MED1: variants seen among roughly 807,000 people sequenced by gnomAD.
MED1 encodes mediator of RNA polymerase II transcription subunit 1.
A neutral mutation model predicts 121.3 loss-of-function variants in MED1; 17 were observed. The observed-to-expected ratio is 0.14, with a 90% CI of 0.10 to 0.21. The LOEUF is 0.21. Ranked by LOEUF, MED1 falls within the 10% of genes least tolerant of loss-of-function variation. The probability of loss-of-function intolerance (pLI) is 1.00; values close to 1 mark genes in which losing one functional copy is unlikely to be tolerated. For missense variants in MED1, 1,558 were observed against 1,919.4 expected (o/e 0.81, Z 3.52); for synonymous variants, 661 against 694.4 (o/e 0.95, Z 0.76).
At position 39,405,584 on chromosome 17, in the gene MED1, A is replaced by G; in HGVS notation, c.*1891T>C. The G allele has an allele frequency of 8.0e-7, 1 of 1,249,066 alleles. No individual in the cohort carries two copies. Among genetic ancestry groups the G allele is most frequent in the Non-Finnish European group, 1.0e-6 (1 of 991,028 alleles). 77.4% of individuals were successfully genotyped at this position (1,249,066 alleles called of 1,614,324 possible). ...CTGTATCAACATCACAAGATAAAGC[A>G]CTCTGGTATCACCTGCCCATATCCT... On this transcript the variant is annotated 3_prime_UTR_variant, in exon 17 of 17. Coordinates refer to ENST00000300651, the MANE Select transcript of MED1 (RefSeq NM_004774.4).
At chr17:39,432,695 A>G (rs2048576842) in intron 7 of MED1, among the ~76,000 whole-genome samples, 1 of 151,804 alleles carries the variant, frequency 6.6e-6, no homozygotes, top group South Asian at 2.1e-4. Context: ...TGGAGGTTGC[A>G]GTGAACCGAG....
At position 39,408,315 on chromosome 17, in the gene MED1, G is replaced by A. The variant is rs1371090076; in HGVS notation, c.3906C>T (p.Ser1302=). 25 of 1,613,994 alleles carry A rather than the reference G, an allele frequency of 1.5e-5. No homozygotes were observed. Among genetic ancestry groups the A allele is most frequent in the Non-Finnish European group, 2.0e-5 (24 of 1,180,018 alleles). ...GKSPSRNKKP[S]LTAVIDKLKH... ...TCAGTTTATCTATGACAGCTGTCAA[G>A]GACGGCTTCTTGTTTCTGCTGGGAG... is the stretch of plus-strand genomic sequence containing the variant. The change falls in exon 17 of 17, where the codon TCC becomes TCT. Residue 1302 remains serine (S), a synonymous_variant. Coordinates refer to ENST00000300651, the MANE Select transcript of MED1 (RefSeq NM_004774.4). The surrounding 1 kb of genome is among the most constrained non-coding windows in gnomAD (Gnocchi z 4.7).
chr17:39,434,679 T>C (rs2048601486), intron 6 of MED1, among the ~76,000 whole-genome samples: 2 of 152,106 alleles, frequency 1.3e-5, no homozygotes, highest in Admixed American at 6.6e-5. Flanking sequence ...TTAATTTTTT[T>C]GTAGAGACGG....
In MED1 at chr17:39,440,512, G is replaced by C. The variant is rs1409452532; in HGVS notation, c.273C>G (p.Gly91=). The C allele has an allele frequency of 6.2e-7, 1 of 1,611,188 alleles. No homozygotes were observed. The highest frequency in any genetic ancestry group is 8.5e-7 in the Non-Finnish European group (1 of 1,179,452). The change falls in exon 5 of 17, where the codon GGC becomes GGG. Residue 91 remains glycine (G), a synonymous_variant. Coordinates refer to ENST00000300651, the MANE Select transcript of MED1 (RefSeq NM_004774.4). This position sits in a 1 kb window ranked among gnomAD's most constrained non-coding sequence, Gnocchi z 4.1. ...LESIARQNGL[G]SHLSASGTEC... ...CAGTGCCACTGGCACTGAGATGAGAGCCCAGTCTAGCAGGAACAAATCAAA... is the reference window on the plus strand; with the variant it reads ...CAGTGCCACTGGCACTGAGATGAGACCCCAGTCTAGCAGGAACAAATCAAA...
chr17:39,432,146 C>T (rs572980743), intron 7 of MED1, 130 bp from the exon 8 acceptor site: 60 of 563,494 alleles, frequency 1.1e-4, no homozygotes, highest in South Asian at 3.2e-4. Flanking sequence ...AGTTTGAGAC[C>T]GGCCTGGCCA....
chr17:39,417,424 C>T (rs765182907), intron 14 of MED1, among the ~76,000 whole-genome samples: 2 of 151,684 alleles, frequency 1.3e-5, no homozygotes, highest in Admixed American at 6.6e-5. Context: ...GTCAGGAGAT[C>T]GAGACCATCC....
chr17:39,423,477 GTTA>G, intron 12 of MED1, 32 bp from the exon 13 acceptor site: 1 of 1,555,618 alleles, frequency 6.4e-7, no homozygotes. Flanking sequence ...TAATGATCAT[GTTA>G]AGATGAAAAC....
At position 39,423,708 on chromosome 17, in the gene MED1, T is replaced by C; in HGVS notation, c.965A>G (p.Gln322Arg). 6.2e-7 allele frequency: 1 copy of C among 1,613,974 alleles called. No homozygotes were observed. The change falls in exon 12 of 17, where the codon CAG becomes CGG. Residue 322 changes from glutamine to arginine, a missense_variant. Physicochemically the swap from Gln to Arg is conservative, Grantham distance 43. Coordinates refer to ENST00000300651, the MANE Select transcript of MED1 (RefSeq NM_004774.4). ...TGCTCAAAACTCACCTGTGCAGTTCTGCAGTTTCTGAACAAATGCTCTAGA... is the reference window on the plus strand; with the variant it reads ...TGCTCAAAACTCACCTGTGCAGTTCCGCAGTTTCTGAACAAATGCTCTAGA... ...PVSRAFVQKL[Q>R]NCTGIPLFET...
intron 10 of MED1, among the ~76,000 whole-genome samples, chr17:39,425,563 G>C (rs1660408018): frequency 6.6e-6 from 1 of 152,138 alleles, no homozygotes; most frequent in Admixed American, 6.5e-5. Flanking sequence ...CAGCACTTTG[G>C]GAGGCTGAGG....
chr17:39,440,731 A>G lies in MED1; in HGVS notation c.212-54T>C, dbSNP rs1269721945. 1 of 1,480,994 alleles carries G rather than the reference A, an allele frequency of 6.8e-7. No individual in the cohort carries two copies. The highest frequency in any genetic ancestry group is 1.4e-5 in the African/African-American group (1 of 70,986). The allele number at this position is 1,480,994 out of a possible 1,614,324, so 91.7% of individuals were successfully genotyped here. ...AAGAATGCTCCAAATGACTTAAATG[A>G]TATTCTTTTAAGACAGAAAGATTCA... is the stretch of plus-strand genomic sequence containing the variant. On this transcript the variant is annotated intron_variant, in intron 3 of 16. Coordinates refer to ENST00000300651, the MANE Select transcript of MED1 (RefSeq NM_004774.4). The surrounding 1 kb of genome is among the most constrained non-coding windows in gnomAD (Gnocchi z 4.1).
chr17:39,423,359 T>C lies in MED1; in HGVS notation c.1063A>G (p.Ile355Val), dbSNP rs2048485229. Residue 355 changes from isoleucine (I) to valine (V), a missense_variant, in exon 13 of 17, where the codon ATA becomes GTA. Physicochemically the swap from Ile to Val is conservative, Grantham distance 29. This residue lies in a region of MED1 where 443 missense variants were observed against 532.4 expected (regional missense o/e 0.83). Transcript: ENST00000300651. Reference sequence around the variant, plus strand: ...AATCTCATGTTGTGATTCAAAGGTATGGGGTCAGGGTCCTTTGATAGCTCA... The same window carrying C: ...AATCTCATGTTGTGATTCAAAGGTACGGGGTCAGGGTCCTTTGATAGCTCA... ...QFELSKDPDP[I>V]PLNHNMRFYA... The C allele has an allele frequency of 1.9e-6, 3 of 1,612,800 alleles. No homozygotes were observed. The highest frequency in any genetic ancestry group is 2.5e-6 in the Non-Finnish European group (3 of 1,178,836).
rs779289304 is a variant in MED1, at chr17:39,427,737, T to G, written c.703A>C (p.Lys235Gln). Reference protein sequence around the residue: ...YVSPSDLLDDKTASPIILHEN... With the variant: ...YVSPSDLLDDQTASPIILHEN... ...TGCAAAATGATGGGAGATGCAGTCT[T>G]GTCATCCAGTAGGTCAGAAGGAGAG... Residue 235 changes from lysine to glutamine, a missense_variant, in exon 10 of 17, where the codon AAG (lysine) becomes CAG (glutamine). Physicochemically the swap from Lys to Gln is moderately conservative, Grantham distance 53. Transcript: ENST00000300651. 11 of 1,605,128 alleles carry G rather than the reference T, an allele frequency of 6.9e-6. No homozygotes were observed. In the Admixed American group the frequency reaches 1.7e-4, roughly 24 times the overall value.
intron 9 of MED1, 61 bp from the exon 10 acceptor site, chr17:39,427,851 ATTAACAT>A (rs1432754046): frequency 1.0e-6 from 1 of 992,034 alleles, no homozygotes; most frequent in Admixed American, 2.4e-5. Context: ...ACAGAAAAAC[ATTAACAT>A]TTATTATATA....
Position 39,408,917 on chromosome 17 carries a change from A to C in MED1, c.3304T>G (p.Ser1102Ala), listed in dbSNP as rs376797939. The change falls in exon 17 of 17, where the codon TCC (serine) becomes GCC (alanine). Residue 1102 changes from serine to alanine, a missense_variant. Around this residue, in one of 5 missense-constraint regions of MED1, gnomAD observed 793 missense variants for 898.2 expected, o/e 0.88. Transcript: ENST00000300651. The surrounding 1 kb of genome is among the most constrained non-coding windows in gnomAD (Gnocchi z 4.7). The part of the protein sequence containing the change: ...SGSKSHHSHS[S>A]SSSSSASTSG... ...GTGGAAGCAGATGAGGAAGAGGAGG[A>C]AGAATGGCTATGGTGGCTTTTGCTG... 1.5e-5 allele frequency: 24 copies of C among 1,613,988 alleles called. No individual in the cohort carries two copies. The highest frequency in any genetic ancestry group is 1.6e-4 in the Middle Eastern group (1 of 6,084).
chr17:39,434,832 CA>C (rs1305007856), intron 6 of MED1, among the ~76,000 whole-genome samples: 2 of 151,946 alleles, frequency 1.3e-5, no homozygotes, highest in East Asian at 3.9e-4. Flanking sequence ...TGGATGTCAA[CA>C]AAAATAAAAC....
At chr17:39,419,277 A>C (rs549138975) in intron 14 of MED1, among the ~76,000 whole-genome samples, 1 of 148,046 alleles carries the variant, frequency 6.8e-6, no homozygotes, top group South Asian at 2.1e-4. Context: ...GGGTTTTGCC[A>C]TGTTCCTCAG....
intron 1 of MED1, among the ~76,000 whole-genome samples, chr17:39,449,095 G>A (rs968479041): frequency 6.6e-6 from 1 of 151,336 alleles, no homozygotes; most frequent in Non-Finnish European, 1.5e-5. Context: ...GAGTGCACTG[G>A]CACAATCAAG....
rs547034784 is a variant in MED1, at chr17:39,434,988, A to G, written c.429-668T>C. On this transcript the variant is annotated intron_variant, in intron 6 of 16. Coordinates refer to ENST00000300651, the MANE Select transcript of MED1 (RefSeq NM_004774.4). ...AGACCATCCTGGCTAGCATGGTGAA[A>G]CCCCATCTCTATTAAAAATACAAAA... Among the ~76,000 whole-genome samples, 14 of 151,898 alleles carry G rather than the reference A, an allele frequency of 9.2e-5. No homozygotes were observed. In the South Asian group the frequency reaches 2.1e-3, roughly 23 times the overall value.
chr17:39,439,328 A>C (rs1217140781), intron 5 of MED1, 135 bp from the exon 6 acceptor site: 1 of 600,624 alleles, frequency 1.7e-6, no homozygotes, highest in African/African-American at 1.9e-5. Context: ...CTCATATTAA[A>C]ATATTAAAAA....
Sources: allele counts gnomAD v4.1 joint callset (sites outside exome capture counted in the v4.1 genomes callset), GRCh38; gene constraint gnomAD v4.1.1; regional missense constraint gnomAD v4.1.1; non-coding constraint Gnocchi (gnomAD v3.1); transcripts MANE v1.5; gene names NCBI Gene and HGNC (gene_info 2026-07-23, HGNC 2026-07-21).